AMOT: variants seen among roughly 807,000 people sequenced by gnomAD.
The protein encoded by AMOT is angiomotin.
In AMOT, 11 loss-of-function variants were observed where a neutral mutation model predicts 67.0. The ratio of observed to expected loss-of-function variants is 0.16; its 90% CI spans 0.10 to 0.27. AMOT has a LOEUF of 0.27. Ranked by LOEUF, AMOT falls within the 10% of genes least tolerant of loss-of-function variation. AMOT has a pLI of 1.00. For synonymous variants in AMOT, 326 were observed against 321.4 expected (o/e 1.01, Z -0.15); for missense variants, 753 against 852.0 (o/e 0.88, Z 1.45).
chrX:112,835,647 G>A (rs973465540), intron 1 of AMOT, among the ~76,000 whole-genome samples: 9 of 108,295 alleles, frequency 8.3e-5, no homozygotes, highest in African/African-American at 3.1e-4. Context: ...GTGCAATGGC[G>A]TGATCTTGGC....
chrX:112,783,762 T>C lies in AMOT; in HGVS notation c.2118-1100A>G, dbSNP rs751236268. Among the ~76,000 whole-genome samples, 3 of 109,800 alleles carry C rather than the reference T, an allele frequency of 2.7e-5. No individual in the cohort carries two copies. In the South Asian group the frequency reaches 1.2e-3, roughly 45 times the overall value. ...AGGTTATTAGGATTAGGGAGAATAC[T>C]GATGCAATTATATTGGTCTTCAAGG... On this transcript the variant is annotated intron_variant, in intron 10 of 13. Transcript: ENST00000371959.
At chrX:112,781,160 G>A (rs1160916266) in intron 11 of AMOT, 42 bp from the exon 12 acceptor site, 4 of 1,143,266 alleles carry the variant, frequency 3.5e-6, no homozygotes, top group Non-Finnish European at 4.8e-6. Flanking sequence ...CCTTGTTGTG[G>A]GCTGGGCGCG....
rs1189606891 is a variant in AMOT, at chrX:112,840,512, G to T, written c.-349C>A. 8.9e-6 allele frequency: 1 copy of T among 112,873 alleles called. No individual in the cohort carries two copies. The allele number at this position is 112,873 out of a possible 1,213,427, so 9.3% of individuals were successfully genotyped here. ...GCTCGCTCAAGTGGCTTCGGTCCCG[G>T]GCCAGCGGCCAGGGATGGGCAGGGG... is the stretch of plus-strand genomic sequence containing the variant. On this transcript the variant is annotated 5_prime_UTR_variant, in exon 1 of 14. Coordinates refer to ENST00000371959, the MANE Select transcript of AMOT (RefSeq NM_001113490.2).
Position 112,840,588 on chromosome X carries a change from T to C in AMOT, c.-425A>G, listed in dbSNP as rs1935268523. On this transcript the variant is annotated 5_prime_UTR_variant, in exon 1 of 14. Transcript: ENST00000371959. Reference sequence around the variant, plus strand: ...CCTCCTCGCTGCTCCGTCCGGGCTCTCCTTGGTGGCAGCGGACAGGCAGGA... The same window carrying C: ...CCTCCTCGCTGCTCCGTCCGGGCTCCCCTTGGTGGCAGCGGACAGGCAGGA... 8.8e-6 allele frequency: 1 copy of C among 113,105 alleles called. No individual in the cohort carries two copies. The highest frequency in any genetic ancestry group is 3.2e-5 in the African/African-American group (1 of 31,171). 9.3% of individuals were successfully genotyped at this position (113,105 alleles called of 1,213,427 possible).
Position 112,777,477 on chromosome X carries a change from G to C in AMOT, c.*1090C>G, listed in dbSNP as rs1243481226. On this transcript the variant is annotated 3_prime_UTR_variant, in exon 14 of 14. Transcript: ENST00000371959. ...TTGGGTTTCTCAAGCTATTCCCTTG[G>C]AGGTGATAGTCAAAAATGCCTTTTA... 8.9e-6 allele frequency: 1 copy of C among 112,308 alleles called. No individual in the cohort carries two copies. Among genetic ancestry groups the C allele is most frequent in the Non-Finnish European group, 1.9e-5 (1 of 53,308 alleles). The allele number at this position is 112,308 out of a possible 1,213,427, so 9.3% of individuals were successfully genotyped here.
In AMOT at chrX:112,816,534, A is replaced by G. The variant is rs533956969; in HGVS notation, c.873-657T>C. Among the ~76,000 whole-genome samples, 8 of 112,492 alleles carry G rather than the reference A, an allele frequency of 7.1e-5. No homozygotes were observed. The Admixed American group carries it at 7.5e-4, about 11-fold the overall frequency. ...TAGCAGTAACCATAAAAAGACTTGA[A>G]GAGGGTTACAAGCAATGCTAACATA... On this transcript the variant is annotated intron_variant, in intron 4 of 13. Transcript: ENST00000371959.
At chrX:112,829,179 A>G (rs1160311666) in intron 2 of AMOT, among the ~76,000 whole-genome samples, 2 of 111,482 alleles carry the variant, frequency 1.8e-5, no homozygotes, top group Admixed American at 9.5e-5. Context: ...CTTTGTTCCT[A>G]TCTCTACCTC....
intron 7 of AMOT, among the ~76,000 whole-genome samples, chrX:112,808,490 G>A (rs1196295530): frequency 8.9e-6 from 1 of 111,857 alleles, no homozygotes; most frequent in Non-Finnish European, 1.9e-5. Context: ...GTCCCAAGAC[G>A]AAAGAAATTA....
At position 112,779,569 on chromosome X, in the gene AMOT, C is replaced by T. The variant is rs537824115; in HGVS notation, c.2585G>A (p.Cys862Tyr). The change falls in exon 13 of 14, where the codon TGC becomes TAC. Residue 862 changes from cysteine to tyrosine, a missense_variant. By Grantham distance (194) the Cys-to-Tyr change is radical (BLOSUM62 -2). Around this residue, in one of 5 missense-constraint regions of AMOT, gnomAD observed 269 missense variants for 300.9 expected, o/e 0.89. Transcript: ENST00000371959. ...SAHSKTGSRD[C>Y]STQTERGTES... ...CGTCCCACGTTCAGTTTGGGTACTG[C>T]AGTCTCGGCTGCCTGTCTTGGAGTG... 1.2e-5 allele frequency: 15 copies of T among 1,208,928 alleles called. No homozygotes were observed. The highest frequency in any genetic ancestry group is 3.0e-5 in the East Asian group (1 of 33,715).
chrX:112,819,880 G>A (rs1292762456), intron 4 of AMOT, among the ~76,000 whole-genome samples: 1 of 112,684 alleles, frequency 8.9e-6, no homozygotes, highest in African/African-American at 3.2e-5. Flanking sequence ...TGTGGATTAA[G>A]GGCTCAGAAT....
chrX:112,808,314 A>G (rs1029754200), intron 7 of AMOT, among the ~76,000 whole-genome samples: 1 of 111,802 alleles, frequency 8.9e-6, no homozygotes, highest in African/African-American at 3.3e-5. Flanking sequence ...TAAGTAGTGG[A>G]GCCCTTATTT....
In AMOT at chrX:112,775,726, T is replaced by C. The variant is rs1332559459; in HGVS notation, c.*2841A>G. 2 of 112,448 alleles carry C rather than the reference T, an allele frequency of 1.8e-5. No individual in the cohort carries two copies. Among genetic ancestry groups the C allele is most frequent in the African/African-American group, 6.5e-5 (2 of 30,886 alleles). The allele number at this position is 112,448 out of a possible 1,213,427, so 9.3% of individuals were successfully genotyped here. The stretch of plus-strand genomic sequence containing the variant: ...AATAGGAGTTTCATATCAAGTAAAG[T>C]TTGTTCTAATGAAGTTTTTCTATAC... On this transcript the variant is annotated 3_prime_UTR_variant, in exon 14 of 14. Transcript: ENST00000371959.
At chrX:112,833,022 C>A (rs1449199747) in intron 1 of AMOT, among the ~76,000 whole-genome samples, 1 of 112,131 alleles carries the variant, frequency 8.9e-6, no homozygotes, top group South Asian at 3.7e-4. Context: ...TAAACCCTGC[C>A]TTCCCAAGAA....
At position 112,822,688 on chromosome X, in the gene AMOT, G is replaced by C. The variant is rs1024642384; in HGVS notation, c.439C>G (p.Pro147Ala). Residue 147 changes from proline to alanine, a missense_variant, in exon 4 of 14, where the codon CCA becomes GCA. Around this residue, in one of 5 missense-constraint regions of AMOT, gnomAD observed 118 missense variants for 125.9 expected, o/e 0.94. Transcript: ENST00000371959. Reference protein sequence around the residue: ...TNQKMRTEGRPSVQRLNPGKM... With the variant: ...TNQKMRTEGRASVQRLNPGKM... ...CCAGGATTGAGCCGCTGAACTGATG[G>C]GCGTCCCTCAGTCCTCATCTTCTGG... is the stretch of plus-strand genomic sequence containing the variant. The C allele has an allele frequency of 8.6e-7, 1 of 1,164,077 alleles. No individual in the cohort carries two copies. Among genetic ancestry groups the C allele is most frequent in the Non-Finnish European group, 1.1e-6 (1 of 872,600 alleles).
At chrX:112,832,562 A>T (rs1381545405) in intron 1 of AMOT, among the ~76,000 whole-genome samples, 192 bp from the exon 2 acceptor site, 1 of 112,076 alleles carries the variant, frequency 8.9e-6, no homozygotes, top group Non-Finnish European at 1.9e-5. Flanking sequence ...AACCCTCCAC[A>T]GAATTGCCCC....
intron 8 of AMOT, among the ~76,000 whole-genome samples, chrX:112,796,474 CAT>C (rs1409734058): frequency 8.9e-6 from 1 of 112,119 alleles, no homozygotes; most frequent in Non-Finnish European, 1.9e-5. Flanking sequence ...GTAAATCTAT[CAT>C]TTAAGCCAAA....
chrX:112,814,334 T>C (rs372965570), intron 5 of AMOT, among the ~76,000 whole-genome samples: 1 of 111,432 alleles, frequency 9.0e-6, no homozygotes, highest in East Asian at 2.8e-4. Context: ...CCCTGTCTCC[T>C]TGAGGCCCCC....
At chrX:112,813,238 C>A (rs1292674690) in intron 5 of AMOT, among the ~76,000 whole-genome samples, 1 of 110,619 alleles carries the variant, frequency 9.0e-6, no homozygotes, top group Admixed American at 9.6e-5. Context: ...CTCCATCCTT[C>A]AAAAGGGCAA....
chrX:112,816,421 A>C (rs757501660), intron 4 of AMOT, among the ~76,000 whole-genome samples: 1 of 111,421 alleles, frequency 9.0e-6, no homozygotes, highest in Non-Finnish European at 1.9e-5. Context: ...AAAAGAAAAA[A>C]AACTATTCAA....
Sources: gnomAD v4.1 joint callset for allele counts (sites outside exome capture counted in the v4.1 genomes callset) on GRCh38, gnomAD v4.1.1 for gene constraint, gnomAD v4.1.1 regional missense constraint, MANE v1.5 for transcripts, NCBI Gene and HGNC (gene_info 2026-07-23, HGNC 2026-07-21) for gene names.